The following GRIK2 variants were observed in gnomAD, a reference collection of about 807,000 sequenced individuals.
GRIK2 encodes the protein glutamate receptor ionotropic, kainate 2.
Under a neutral mutation model 100.3 loss-of-function variants are expected in GRIK2, and 32 were observed. The observed-to-expected ratio is 0.32, with a 90% CI of 0.24 to 0.43. The LOEUF is 0.43. GRIK2 is among the 20% of genes least tolerant of loss of function. The pLI is 1.00. For missense variants in GRIK2, 843 were observed against 1,114.9 expected (o/e 0.76, Z 3.47); for synonymous variants, 417 against 389.4 (o/e 1.07, Z -0.83).
intron 10 of GRIK2, among the ~76,000 whole-genome samples, chr6:101,839,087 AC>A (rs1170535229): frequency 6.6e-6 from 1 of 152,054 alleles, no homozygotes; most frequent in African/African-American, 2.4e-5. Context: ...AATGCCTACA[AC>A]TTACCAGTTA....
At position 101,686,292 on chromosome 6, in the gene GRIK2, C is replaced by G. The variant is rs61996330; in HGVS notation, c.890C>G (p.Ser297Trp). The G allele has an allele frequency of 1.4e-3, 2,280 of 1,612,996 alleles. 2 individuals are homozygous for G. The highest frequency in any genetic ancestry group is 1.8e-3 in the Non-Finnish European group (2,113 of 1,179,272). Reference sequence around the variant, plus strand: ...GTCTCCTCCATCATTGAAAAGTGGTCGATGGAACGATTGCAGGCACCTCCG... The same window carrying G: ...GTCTCCTCCATCATTGAAAAGTGGTGGATGGAACGATTGCAGGCACCTCCG... ...TQVSSIIEKWSMERLQAPPKP... is the reference protein window; with the variant it reads ...TQVSSIIEKWWMERLQAPPKP... Residue 297 changes from serine to tryptophan, a missense_variant, in exon 7 of 17, where the codon TCG (serine) becomes TGG (tryptophan). Around this residue, in one of 3 missense-constraint regions of GRIK2, gnomAD observed 519 missense variants for 643.8 expected, o/e 0.81. Coordinates refer to ENST00000369134, the MANE Select transcript of GRIK2 (RefSeq NM_021956.5).
chr6:101,980,789 T>C (rs1305827179), intron 14 of GRIK2, among the ~76,000 whole-genome samples: 2 of 151,726 alleles, frequency 1.3e-5, no homozygotes, highest in African/African-American at 4.8e-5. Flanking sequence ...TTTGTATTAG[T>C]TATAAGAAAA....
intron 2 of GRIK2, among the ~76,000 whole-genome samples, chr6:101,510,979 A>G (rs1774286541): frequency 6.6e-6 from 1 of 152,178 alleles, no homozygotes; most frequent in South Asian, 2.1e-4. Context: ...TTTATAACAC[A>G]AAGCATGGGG....
intron 11 of GRIK2, among the ~76,000 whole-genome samples, chr6:101,887,492 A>ATGT (rs3054428): frequency 0.78 from 118,571 of 151,716 alleles, 46,558 homozygotes; most frequent in East Asian, 0.92. Context: ...CTACTACTTT[A>ATGT]TGTTCATTTT....
intron 7 of GRIK2, among the ~76,000 whole-genome samples, chr6:101,711,465 T>C (rs1238063202): frequency 4.0e-5 from 6 of 151,726 alleles, no homozygotes; most frequent in Non-Finnish European, 8.8e-5. Context: ...ATGATCTCTC[T>C]AAATATATAG....
intron 2 of GRIK2, among the ~76,000 whole-genome samples, chr6:101,442,187 C>T (rs965509822): frequency 2.0e-5 from 3 of 152,056 alleles, no homozygotes; most frequent in African/African-American, 7.2e-5. Flanking sequence ...AGCCAAAAAC[C>T]AGGTTCTTGT....
intron 2 of GRIK2, among the ~76,000 whole-genome samples, chr6:101,558,708 A>G (rs1258511439): frequency 6.7e-6 from 1 of 148,238 alleles, no homozygotes; most frequent in African/African-American, 2.5e-5. Context: ...TTTTCAGACA[A>G]TTTTCTTCAA....
At chr6:101,688,532 G>C (rs1230315753) in intron 7 of GRIK2, among the ~76,000 whole-genome samples, 1 of 151,958 alleles carries the variant, frequency 6.6e-6, no homozygotes, top group African/African-American at 2.4e-5. Flanking sequence ...TATGGAAAAA[G>C]AGAGAGGATA....
intron 7 of GRIK2, among the ~76,000 whole-genome samples, chr6:101,781,193 TA>T (rs1779069436): frequency 6.6e-6 from 1 of 151,494 alleles, no homozygotes; most frequent in Admixed American, 6.6e-5. Context: ...CAATCATTTA[TA>T]GGTACTTCTT....
intron 14 of GRIK2, among the ~76,000 whole-genome samples, chr6:101,940,552 A>T (rs753868598): frequency 7.2e-5 from 11 of 152,066 alleles, no homozygotes; most frequent in Non-Finnish European, 1.3e-4. Flanking sequence ...ATTCTGGGTG[A>T]TGTTTCTTTC....
chr6:101,622,088 T>C lies in GRIK2; in HGVS notation c.255T>C (p.Leu85=). 1 of 1,600,862 alleles carries C rather than the reference T, an allele frequency of 6.2e-7. No individual in the cohort carries two copies. Among genetic ancestry groups the C allele is most frequent in the Non-Finnish European group, 8.6e-7 (1 of 1,168,812 alleles). Residue 85 remains leucine (L), a synonymous_variant, in exon 3 of 17, where the codon CTT becomes CTC. Transcript: ENST00000369134. ...CCTATGATACCCAGAAGATAAACCT[T>C]TATGATAGTTTTGAAGCATCCAAGA... ...TLTYDTQKIN[L]YDSFEASKKA...
intron 14 of GRIK2, among the ~76,000 whole-genome samples, chr6:101,936,919 A>G (rs1790651932): frequency 6.6e-6 from 1 of 152,156 alleles, no homozygotes. Context: ...TTGCTCTGCC[A>G]GAGTGAATTC....
At chr6:101,421,524 A>T (rs995763118) in intron 2 of GRIK2, among the ~76,000 whole-genome samples, 24 of 152,178 alleles carry the variant, frequency 1.6e-4, no homozygotes, top group African/African-American at 5.3e-4. Flanking sequence ...GGAGAAAGGG[A>T]GACATTCCTA....
intron 10 of GRIK2, among the ~76,000 whole-genome samples, chr6:101,839,318 G>T (rs895349285): frequency 6.6e-6 from 1 of 152,150 alleles, no homozygotes; most frequent in Non-Finnish European, 1.5e-5. Context: ...GGTGAAGAAG[G>T]AATGTAAGAT....
intron 7 of GRIK2, among the ~76,000 whole-genome samples, chr6:101,696,914 T>C (rs1291575948): frequency 6.6e-6 from 1 of 152,006 alleles, no homozygotes; most frequent in Non-Finnish European, 1.5e-5. Flanking sequence ...CCTTATAGAA[T>C]TTCACACCAG....
intron 14 of GRIK2, among the ~76,000 whole-genome samples, chr6:101,964,063 G>GAAA (rs5878705): frequency 2.2e-4 from 33 of 150,422 alleles, no homozygotes; most frequent in African/African-American, 4.9e-4. Flanking sequence ...TGTGTTTCTT[G>GAAA]AAAAAAAATA....
chr6:101,532,203 T>C (rs899111018), intron 2 of GRIK2, among the ~76,000 whole-genome samples: 2 of 152,038 alleles, frequency 1.3e-5, no homozygotes, highest in South Asian at 4.1e-4. Context: ...CACTCCATGC[T>C]GTTTTGAAGC....
At chr6:101,804,073 G>A (rs1465919773) in intron 9 of GRIK2, among the ~76,000 whole-genome samples, 1 of 151,750 alleles carries the variant, frequency 6.6e-6, no homozygotes, top group Non-Finnish European at 1.5e-5. Context: ...ACAATCAAAA[G>A]CTATATGTTT....
chr6:102,014,319 T>G (rs1249620638), intron 14 of GRIK2, among the ~76,000 whole-genome samples: 1 of 152,108 alleles, frequency 6.6e-6, no homozygotes, highest in Admixed American at 6.5e-5. Context: ...TTGTGGCTAT[T>G]TGGATCATCT....
Sources: gnomAD v4.1 joint callset for allele counts (sites outside exome capture counted in the v4.1 genomes callset) on GRCh38, gnomAD v4.1.1 for gene constraint, gnomAD v4.1.1 regional missense constraint, MANE v1.5 for transcripts, NCBI Gene and HGNC (gene_info 2026-07-23, HGNC 2026-07-21) for gene names.